Variants in GABRG1 observed in about 807,000 individuals in gnomAD.
The protein encoded by GABRG1 is gamma-aminobutyric acid type A receptor subunit gamma1, also known as gamma-aminobutyric acid receptor subunit gamma-1.
In GABRG1, 49 loss-of-function variants were observed where a neutral mutation model predicts 49.8. That is an observed-to-expected ratio of 0.98 (90% CI 0.78 to 1.25). The LOEUF (loss-of-function observed/expected upper bound fraction) is 1.25. Among genes scored for constraint, GABRG1 ranks in the 50% most tolerant of loss-of-function variants. The probability of loss-of-function intolerance (pLI) is 0.00; values close to 1 mark genes in which losing one functional copy is unlikely to be tolerated. For missense variants in GABRG1, 552 were observed against 552.3 expected (o/e 1.00, Z 0.01); for synonymous variants, 232 against 185.1 (o/e 1.25, Z -2.06).
intron 3 of GABRG1, among the ~76,000 whole-genome samples, chr4:46,082,836 T>C (rs545946966): frequency 1.4e-4 from 21 of 151,786 alleles, no homozygotes; most frequent in Admixed American, 3.3e-4. Context: ...GCAACTATAT[T>C]TTACATACAT....
chr4:46,081,656 G>C (rs1000606943), intron 3 of GABRG1, among the ~76,000 whole-genome samples: 2 of 151,832 alleles, frequency 1.3e-5, no homozygotes, highest in African/African-American at 2.4e-5. Flanking sequence ...AAATCAGCAA[G>C]ATATTTGAGA....
chr4:46,053,479 C>T (rs1229676015), intron 7 of GABRG1, among the ~76,000 whole-genome samples: 2 of 151,960 alleles, frequency 1.3e-5, no homozygotes, highest in South Asian at 2.1e-4. Context: ...GCTTTTACTT[C>T]AATTATTTTG....
intron 1 of GABRG1, among the ~76,000 whole-genome samples, chr4:46,112,284 AAGATATCCT>A (rs1047202462): frequency 2.0e-5 from 3 of 151,160 alleles, no homozygotes; most frequent in Non-Finnish European, 4.5e-5. Flanking sequence ...AAACCACAAC[AAGATATCCT>A]ACACCAATCA....
intron 3 of GABRG1, among the ~76,000 whole-genome samples, chr4:46,077,081 T>C (rs1044622439): frequency 2.0e-5 from 3 of 147,908 alleles, no homozygotes; most frequent in Non-Finnish European, 4.5e-5. Context: ...ATCCGTTAAA[T>C]GTTGCATATT....
intron 2 of GABRG1, among the ~76,000 whole-genome samples, chr4:46,094,679 AG>A (rs1720110181): frequency 6.6e-6 from 1 of 151,838 alleles, no homozygotes; most frequent in Non-Finnish European, 1.5e-5. Context: ...TGCTTCTACA[AG>A]GAAAAGAAGA....
chr4:46,048,610 G>A lies in GABRG1; in HGVS notation c.1131+2814C>T, dbSNP rs374009792. ...TGGAAAGAAGGAAGGAAGGAAGGAA[G>A]GAGAAGGGAAGGGAAGCGAAGGGAA... On this transcript the variant is annotated intron_variant, in intron 8 of 8. Transcript: ENST00000295452. 1.6e-4 allele frequency among the ~76,000 whole-genome samples: 22 copies of A among 139,904 alleles called. No individual in the cohort carries two copies. The East Asian group carries it at 3.7e-3, about 24-fold the overall frequency. 91.8% of individuals were successfully genotyped at this position (139,904 alleles called of 152,430 possible). A position where few individuals can be genotyped will look rare whatever the true frequency, so the allele number is the denominator to read the frequency against.
At chr4:46,073,297 C>T (rs1397078080) in intron 3 of GABRG1, among the ~76,000 whole-genome samples, 1 of 151,900 alleles carries the variant, frequency 6.6e-6, no homozygotes, top group African/African-American at 2.4e-5. Context: ...GCTTTTCCCT[C>T]ATTTTAATTG....
Position 46,084,049 on chromosome 4 carries a change from C to A in GABRG1, c.258G>T (p.Arg86Ser), listed in dbSNP as rs1192451345. ...DNKLRPDIGV[R>S]PTVIETDVYV... ...AAACATCAGTTTCAATTACTGTGGG[C>A]CTCACTGCAAAATATCAACAAAAAG... is the stretch of plus-strand genomic sequence containing the variant. The change falls in exon 3 of 9, where the codon AGG becomes AGT. Residue 86 changes from arginine (R) to serine (S), a missense_variant. Transcript: ENST00000295452. The A allele has an allele frequency of 6.4e-7, 1 of 1,563,744 alleles. No individual in the cohort carries two copies. The highest frequency in any genetic ancestry group is 8.8e-7 in the Non-Finnish European group (1 of 1,141,980).
At chr4:46,119,040 A>C (rs183373756) in intron 1 of GABRG1, among the ~76,000 whole-genome samples, 2 of 151,276 alleles carry the variant, frequency 1.3e-5, no homozygotes, top group Admixed American at 6.6e-5. Flanking sequence ...TAAGATAACC[A>C]TTCAATTCCT....
chr4:46,119,412 A>C (rs1721028922), intron 1 of GABRG1, among the ~76,000 whole-genome samples: 1 of 151,502 alleles, frequency 6.6e-6, no homozygotes, highest in Admixed American at 6.6e-5. Context: ...CAGGGATTTA[A>C]GTTTCGGTTT....
intron 8 of GABRG1, among the ~76,000 whole-genome samples, chr4:46,047,717 C>G (rs1275849264): frequency 6.6e-6 from 1 of 151,572 alleles, no homozygotes; most frequent in East Asian, 1.9e-4. Context: ...ATAAAAATAA[C>G]CTACTTCTGA....
At chr4:46,058,917 A>G (rs918508963) in intron 5 of GABRG1, among the ~76,000 whole-genome samples, 2 of 152,092 alleles carry the variant, frequency 1.3e-5, no homozygotes, top group African/African-American at 4.8e-5. Context: ...AGAGGTAATA[A>G]CTATCCTAAT....
intron 2 of GABRG1, among the ~76,000 whole-genome samples, chr4:46,095,193 A>T (rs1720126955): frequency 6.6e-6 from 1 of 151,852 alleles, no homozygotes; most frequent in Admixed American, 6.6e-5. Context: ...GAAAATAATG[A>T]AGAGAATACA....
At chr4:46,094,664 C>A (rs943972545) in intron 2 of GABRG1, among the ~76,000 whole-genome samples, 26 of 151,812 alleles carry the variant, frequency 1.7e-4, no homozygotes, top group Admixed American at 1.2e-3. Context: ...AAGGGGAGTA[C>A]CTCATGCTTC....
intron 1 of GABRG1, among the ~76,000 whole-genome samples, chr4:46,105,338 G>A (rs887560395): frequency 1.3e-5 from 2 of 151,448 alleles, no homozygotes; most frequent in Admixed American, 1.3e-4. Context: ...AAAAGAAAAT[G>A]AAGCAAACGT....
rs1402325164 is a variant in GABRG1, at chr4:46,123,904, A to C, written c.10T>G (p.Leu4Val). ...AAAGGGGAGAAGAGAAAAGCTTTCA[A>C]AGGACCCATCGGAATCGCTTTTTTA... MGP[L>V]KAFLFSPFLL... The change falls in exon 1 of 9, where the codon TTG becomes GTG. Residue 4 changes from leucine (L) to valine (V), a missense_variant. Coordinates refer to ENST00000295452, the MANE Select transcript of GABRG1 (RefSeq NM_173536.4). 1 of 1,613,366 alleles carries C rather than the reference A, an allele frequency of 6.2e-7. No homozygotes were observed. Among genetic ancestry groups the C allele is most frequent in the Non-Finnish European group, 8.5e-7 (1 of 1,179,632 alleles).
At chr4:46,084,532 C>T (rs577764231) in intron 2 of GABRG1, among the ~76,000 whole-genome samples, 158 of 151,716 alleles carry the variant, frequency 1.0e-3, no homozygotes, top group African/African-American at 3.6e-3. Flanking sequence ...AGCCCTCAAG[C>T]TACCAAACTT....
At chr4:46,119,153 C>A (rs1721021718) in intron 1 of GABRG1, among the ~76,000 whole-genome samples, 2 of 150,892 alleles carry the variant, frequency 1.3e-5, no homozygotes, top group African/African-American at 2.4e-5. Flanking sequence ...TCAAAATTTT[C>A]TTTAAAATAA....
intron 8 of GABRG1, among the ~76,000 whole-genome samples, chr4:46,048,967 T>C (rs1396065526): frequency 6.6e-6 from 1 of 151,968 alleles, no homozygotes; most frequent in East Asian, 1.9e-4. Context: ...TAATTTTGCT[T>C]AATAACAGAA....
Sources: allele counts gnomAD v4.1 joint callset (sites outside exome capture counted in the v4.1 genomes callset), GRCh38; gene constraint gnomAD v4.1.1; transcripts MANE v1.5; gene names NCBI Gene and HGNC (gene_info 2026-07-23, HGNC 2026-07-21).